The following EHF variants were observed in gnomAD, a reference collection of about 807,000 sequenced individuals.
EHF encodes ESE3 transcription factor.
EHF carries 14 observed loss-of-function variants against 45.1 expected under a neutral mutation model. The observed-to-expected ratio is 0.31, with a 90% CI of 0.21 to 0.49. EHF has a LOEUF of 0.49. Ranked by LOEUF, EHF falls within the 20% of genes least tolerant of loss-of-function variation. The probability of loss-of-function intolerance (pLI) is 0.99; values close to 1 mark genes in which losing one functional copy is unlikely to be tolerated. For synonymous variants in EHF, 136 were observed against 131.8 expected (o/e 1.03, Z -0.22); for missense variants, 282 against 371.4 (o/e 0.76, Z 1.98).
chr11:34,649,554 G>A (rs1335081334), intron 4 of EHF, among the ~76,000 whole-genome samples: 2 of 152,216 alleles, frequency 1.3e-5, no homozygotes, highest in Non-Finnish European at 2.9e-5. Flanking sequence ...GCCCTGGGGA[G>A]CTTCTGCAGA....
intron 1 of EHF, chr11:34,632,726 G>A (rs771103138): frequency 3.5e-5 from 52 of 1,493,822 alleles, no homozygotes; most frequent in Non-Finnish European, 4.3e-5. Context: ...CACAACAGGA[G>A]GTGGGGAATG....
rs769182901 is a variant in EHF, at chr11:34,663,167, G to A, written c.*4236G>A. On this transcript the variant is annotated 3_prime_UTR_variant, in exon 9 of 9. Transcript: ENST00000257831. ...TCAGAAATCTTTCCCTTTAAGCTAT[G>A]TTAAATTCAAACTATTCCTGCTATT... Among the ~76,000 whole-genome samples, 8 of 151,984 alleles carry A rather than the reference G, an allele frequency of 5.3e-5. No individual in the cohort carries two copies.
intron 1 of EHF, among the ~76,000 whole-genome samples, chr11:34,626,281 C>A (rs182614262): frequency 6.6e-6 from 1 of 152,178 alleles, no homozygotes; most frequent in Non-Finnish European, 1.5e-5. Context: ...TAGCCTGATA[C>A]AACATCCCCC....
chr11:34,659,622 C>G lies in EHF; in HGVS notation c.*691C>G, dbSNP rs1345458681. ...GATGCCAGGGCTGTCTTCCTTTCTC[C>G]CCTTTGGATGGTTGGTGAAATACTT... is the stretch of plus-strand genomic sequence containing the variant. On this transcript the variant is annotated 3_prime_UTR_variant, in exon 9 of 9. Coordinates refer to ENST00000257831, the MANE Select transcript of EHF (RefSeq NM_012153.6). 1 of 152,156 alleles carries G rather than the reference C, an allele frequency of 6.6e-6. No individual in the cohort carries two copies. The highest frequency in any genetic ancestry group is 1.5e-5 in the Non-Finnish European group (1 of 68,030). 9.4% of individuals were successfully genotyped at this position (152,156 alleles called of 1,614,324 possible).
chr11:34,630,825 C>A (rs1192133684), intron 1 of EHF, among the ~76,000 whole-genome samples: 1 of 152,084 alleles, frequency 6.6e-6, no homozygotes, highest in Non-Finnish European at 1.5e-5. Context: ...GTCGGAACAC[C>A]CAGTTCTTAA....
rs938904267 is a variant in EHF at position 34,632,343 on chromosome 11, C to T, written c.-3-10285C>T. ...GAGGTATTCAGAAGATAACAGAAGCCCCTGCCAGCAACTGAATTAACAGCT... is the reference window on the plus strand; with the variant it reads ...GAGGTATTCAGAAGATAACAGAAGCTCCTGCCAGCAACTGAATTAACAGCT... On this transcript the variant is annotated intron_variant, in intron 1 of 8. Coordinates refer to ENST00000257831, the MANE Select transcript of EHF (RefSeq NM_012153.6). 17 of 716,612 alleles carry T rather than the reference C, an allele frequency of 2.4e-5. No individual in the cohort carries two copies. In the Admixed American group the frequency reaches 2.8e-4, roughly 12 times the overall value. The allele number at this position is 716,612 out of a possible 1,614,324, so 44.4% of individuals were successfully genotyped here.
intron 1 of EHF, among the ~76,000 whole-genome samples, chr11:34,624,484 A>T (rs751354683): frequency 6.6e-6 from 1 of 152,224 alleles, no homozygotes. Flanking sequence ...TATGATTTTA[A>T]AATAATAGAT....
intron 6 of EHF, among the ~76,000 whole-genome samples, chr11:34,653,687 A>G (rs1035371447): frequency 6.6e-6 from 1 of 152,200 alleles, no homozygotes; most frequent in Non-Finnish European, 1.5e-5. Context: ...TTACAGCCTT[A>G]TATGGGTCAG....
At chr11:34,624,838 A>G (rs1008704543) in intron 1 of EHF, among the ~76,000 whole-genome samples, 2 of 152,174 alleles carry the variant, frequency 1.3e-5, no homozygotes, top group African/African-American at 2.4e-5. Context: ...AGTGCAGGGA[A>G]GGCGGGATGT....
In EHF at chr11:34,658,516, T is replaced by A; in HGVS notation, c.608-17T>A. ...TGACTTAGATCATTAGTAACCTGCC[T>A]TTCTGCTTTTCATCAGACCCGAGAG... On this transcript the variant is annotated splice_polypyrimidine_tract_variant and intron_variant, in intron 7 of 8. Coordinates refer to ENST00000257831, the MANE Select transcript of EHF (RefSeq NM_012153.6). 6.2e-7 allele frequency: 1 copy of A among 1,606,292 alleles called. No individual in the cohort carries two copies. Among genetic ancestry groups the A allele is most frequent in the Non-Finnish European group, 8.5e-7 (1 of 1,175,198 alleles).
chr11:34,643,129 G>A (rs1278940406), intron 2 of EHF, among the ~76,000 whole-genome samples: 3 of 151,606 alleles, frequency 2.0e-5, no homozygotes, highest in Non-Finnish European at 2.9e-5. Context: ...AGGAAGGAGA[G>A]GGTTATAGCA....
chr11:34,622,981 G>A (rs1220000415), intron 1 of EHF, among the ~76,000 whole-genome samples: 1 of 152,200 alleles, frequency 6.6e-6, no homozygotes, highest in Admixed American at 6.5e-5. Context: ...GGTAGTGTGG[G>A]TAGGGTGACG....
intron 1 of EHF, among the ~76,000 whole-genome samples, chr11:34,641,632 T>A (rs1354237133): frequency 6.6e-5 from 10 of 152,340 alleles, no homozygotes. Context: ...AAGTGACTTT[T>A]ACAGCCTCTG....
rs1490699769 is a variant in EHF at position 34,660,382 on chromosome 11, T to G, written c.*1451T>G. ...TTTGGATTATCTGTTTACTGTCTCA[T>G]CTGAACTGATCCCAGGTGAACGGTT... is the stretch of plus-strand genomic sequence containing the variant. On this transcript the variant is annotated 3_prime_UTR_variant, in exon 9 of 9. Coordinates refer to ENST00000257831, the MANE Select transcript of EHF (RefSeq NM_012153.6). 6.6e-6 allele frequency: 1 copy of G among 152,180 alleles called. No homozygotes were observed. The allele number at this position is 152,180 out of a possible 1,614,324, so 9.4% of individuals were successfully genotyped here.
rs904926940 is a variant in EHF, at chr11:34,656,814, G to T, written c.545-94G>T. 3.6e-6 allele frequency: 5 copies of T among 1,396,840 alleles called. No individual in the cohort carries two copies. The African/African-American group carries it at 4.3e-5, about 12-fold the overall frequency. The allele number at this position is 1,396,840 out of a possible 1,614,324, so 86.5% of individuals were successfully genotyped here. On this transcript the variant is annotated intron_variant, in intron 6 of 8. Coordinates refer to ENST00000257831, the MANE Select transcript of EHF (RefSeq NM_012153.6). ...CAAAGGTGCCAGGCATGCAGTAGGTGCTCAGTAAATATTGTTTAAATGAGT... is the reference window on the plus strand; with the variant it reads ...CAAAGGTGCCAGGCATGCAGTAGGTTCTCAGTAAATATTGTTTAAATGAGT...
At chr11:34,653,276 A>C (rs778083685) in intron 6 of EHF, among the ~76,000 whole-genome samples, 4 of 152,144 alleles carry the variant, frequency 2.6e-5, no homozygotes, top group Non-Finnish European at 5.9e-5. Context: ...CTCAGGGGCT[A>C]GTAGGTCTTG....
At chr11:34,644,120 T>TTTGAACAAGATACACTAGCAGGGACTA (rs1854287161) in intron 2 of EHF, among the ~76,000 whole-genome samples, 1 of 152,186 alleles carries the variant, frequency 6.6e-6, no homozygotes, top group Non-Finnish European at 1.5e-5. Context: ...TTCTCCCAAG[T>TTTGAACAAGATACACTAGCAGGGACTA]TTGAACAAGA....
chr11:34,622,388 A>G (rs1852041561), intron 1 of EHF: 1 of 1,284,360 alleles, frequency 7.8e-7, no homozygotes, highest in Non-Finnish European at 1.0e-6. Flanking sequence ...TGGAAGTCTA[A>G]TTCAGGAGTT....
chr11:34,640,854 CATG>C (rs1853929454), intron 1 of EHF, among the ~76,000 whole-genome samples: 1 of 152,188 alleles, frequency 6.6e-6, no homozygotes, highest in African/African-American at 2.4e-5. Context: ...TGACGCTCCT[CATG>C]ATAACACCTG....
Sources: gnomAD v4.1 joint callset for allele counts (sites outside exome capture counted in the v4.1 genomes callset) on GRCh38, gnomAD v4.1.1 for gene constraint, MANE v1.5 for transcripts, NCBI Gene and HGNC (gene_info 2026-07-23, HGNC 2026-07-21) for gene names.